COLEC12: variants seen among roughly 807,000 people sequenced by gnomAD.
The protein encoded by COLEC12 is collectin subfamily member 12.
A neutral mutation model predicts 71.1 loss-of-function variants in COLEC12; 33 were observed. That is an observed-to-expected ratio of 0.46 (90% CI 0.35 to 0.62). The LOEUF is 0.62. COLEC12 is among the 20% of genes least tolerant of loss of function. The probability of loss-of-function intolerance (pLI) is 0.00; values close to 1 mark genes in which losing one functional copy is unlikely to be tolerated. For synonymous variants in COLEC12, 350 were observed against 353.0 expected, an observed-to-expected ratio of 0.99 and a Z score of 0.10; for missense variants, 765 against 916.1, an observed-to-expected ratio of 0.84 and a Z score of 2.13.
At chr18:427,381 T>C (rs546387646) in intron 2 of COLEC12, among the ~76,000 whole-genome samples, 2 of 152,232 alleles carry the variant, frequency 1.3e-5, no homozygotes, top group South Asian at 4.2e-4. Context: ...ATGTGGGCCG[T>C]AGGGAGAGAA....
At chr18:490,985 C>T (rs1321517454) in intron 1 of COLEC12, among the ~76,000 whole-genome samples, 1 of 152,214 alleles carries the variant, frequency 6.6e-6, no homozygotes, top group Non-Finnish European at 1.5e-5. Context: ...GTACATTTGT[C>T]ATTACTCTTA....
chr18:446,859 T>C (rs775385007), intron 2 of COLEC12, among the ~76,000 whole-genome samples: 1 of 152,188 alleles, frequency 6.6e-6, no homozygotes, highest in African/African-American at 2.4e-5. Flanking sequence ...ATTCTATCCA[T>C]TTATCTTCAG....
chr18:494,182 G>A (rs973399453), intron 1 of COLEC12, among the ~76,000 whole-genome samples: 8 of 152,118 alleles, frequency 5.3e-5, no homozygotes, highest in African/African-American at 1.4e-4. Context: ...ACTTCCCCAC[G>A]TGGAGCACAA....
chr18:425,786 ATG>A (rs1056466841), intron 2 of COLEC12, among the ~76,000 whole-genome samples: 23 of 152,304 alleles, frequency 1.5e-4, no homozygotes, highest in African/African-American at 5.3e-4. Flanking sequence ...AGACATCTCT[ATG>A]TGATTTACAG....
chr18:370,893 C>A (rs902510505), intron 2 of COLEC12, among the ~76,000 whole-genome samples: 1 of 152,146 alleles, frequency 6.6e-6, no homozygotes, highest in African/African-American at 2.4e-5. Flanking sequence ...TGTCATGCAC[C>A]AAGACAGGGC....
At chr18:328,440 G>C (rs996026434) in intron 8 of COLEC12, among the ~76,000 whole-genome samples, 2 of 152,096 alleles carry the variant, frequency 1.3e-5, no homozygotes, top group Non-Finnish European at 2.9e-5. Flanking sequence ...ACCTGTTGTG[G>C]GACTTGAGTG....
At chr18:373,747 G>C (rs1915052892) in intron 2 of COLEC12, among the ~76,000 whole-genome samples, 1 of 151,844 alleles carries the variant, frequency 6.6e-6, no homozygotes, top group Non-Finnish European at 1.5e-5. Context: ...CAAGAATTCT[G>C]TCTGGTATGC....
intron 2 of COLEC12, among the ~76,000 whole-genome samples, chr18:380,578 C>T (rs989952461): frequency 2.7e-4 from 41 of 152,192 alleles, no homozygotes; most frequent in Non-Finnish European, 4.1e-4. Flanking sequence ...CATGTACACA[C>T]ATTTAATTAC....
intron 2 of COLEC12, among the ~76,000 whole-genome samples, chr18:445,862 G>A (rs1346178363): frequency 6.6e-6 from 1 of 152,096 alleles, no homozygotes; most frequent in East Asian, 1.9e-4. Context: ...GAACTCCTGA[G>A]CTCAAGTGAT....
At chr18:416,230 G>T (rs1356977590) in intron 2 of COLEC12, among the ~76,000 whole-genome samples, 1 of 152,134 alleles carries the variant, frequency 6.6e-6, no homozygotes, top group Non-Finnish European at 1.5e-5. Context: ...TCATTTTGGG[G>T]ATTGTTTCAT....
intron 7 of COLEC12, among the ~76,000 whole-genome samples, chr18:332,771 C>T (rs1056421172): frequency 5.9e-5 from 9 of 152,188 alleles, no homozygotes; most frequent in African/African-American, 2.2e-4. Flanking sequence ...CCAGAAGGAG[C>T]CACACATCTC....
chr18:347,273 C>T lies in COLEC12; in HGVS notation c.349G>A (p.Asp117Asn). 1.2e-6 allele frequency: 2 copies of T among 1,614,156 alleles called. No individual in the cohort carries two copies. The highest frequency in any genetic ancestry group is 1.7e-6 in the Non-Finnish European group (2 of 1,180,034). ...ATCTCACGAAGTTGCTGACGGAGAT[C>T]TAGAATGTCTGATCTGAAGGTGGAG... ...ELSTFRSDIL[D>N]LRQQLREITE... The change falls in exon 5 of 10, where the codon GAT becomes AAT. Residue 117 changes from aspartate to asparagine, a missense_variant. By Grantham distance (23) the Asp-to-Asn change is conservative. Transcript: ENST00000400256.
chr18:455,239 C>T (rs937147184), intron 2 of COLEC12, among the ~76,000 whole-genome samples: 3 of 151,442 alleles, frequency 2.0e-5, no homozygotes, highest in South Asian at 4.2e-4. Flanking sequence ...AAAAACAGCA[C>T]AGCATACTTT....
At chr18:331,612 G>T in intron 8 of COLEC12, 56 bp downstream of exon 8, 1 of 1,145,078 alleles carries the variant, frequency 8.7e-7, no homozygotes, top group Non-Finnish European at 1.3e-6. Context: ...CGGGCAAGAA[G>T]TGACAACAGA....
At position 405,191 on chromosome 18, in the gene COLEC12, G is replaced by A. The variant is rs576429509; in HGVS notation, c.59-47669C>T. On this transcript the variant is annotated intron_variant, in intron 2 of 9. Coordinates refer to ENST00000400256, the MANE Select transcript of COLEC12 (RefSeq NM_130386.3). ...TTTAAGATGTTTATCAAGACAATAC[G>A]TGCACCGCTGAACATAGACCCTTAT... Among the ~76,000 whole-genome samples the A allele has an allele frequency of 9.9e-5, 15 of 152,260 alleles. No individual in the cohort carries two copies. In the South Asian group the frequency reaches 1.7e-3, roughly 17 times the overall value.
chr18:329,824 T>A (rs59908463), intron 8 of COLEC12, among the ~76,000 whole-genome samples: 2,201 of 152,314 alleles, frequency 0.014, 62 homozygotes, highest in African/African-American at 0.05. Context: ...ATACCTCTGA[T>A]CCCAGTGCTT....
At chr18:344,873 C>T (rs1598332295) in intron 5 of COLEC12, among the ~76,000 whole-genome samples, 1 of 152,220 alleles carries the variant, frequency 6.6e-6, no homozygotes, top group Admixed American at 6.5e-5. Flanking sequence ...CTGGCATATA[C>T]AGTTTCAAGT....
chr18:427,082 T>G (rs914539199), intron 2 of COLEC12, among the ~76,000 whole-genome samples: 2 of 152,206 alleles, frequency 1.3e-5, no homozygotes, highest in Non-Finnish European at 2.9e-5. Flanking sequence ...ATTCCACTGA[T>G]AGGCAATTTG....
At chr18:482,421 T>C (rs551441160) in intron 1 of COLEC12, among the ~76,000 whole-genome samples, 1 of 151,046 alleles carries the variant, frequency 6.6e-6, no homozygotes, top group South Asian at 2.1e-4. Flanking sequence ...GCCAACACTT[T>C]TTGATGACAA....
Sources: allele counts gnomAD v4.1 joint callset (sites outside exome capture counted in the v4.1 genomes callset), GRCh38; gene constraint gnomAD v4.1.1; transcripts MANE v1.5; gene names NCBI Gene and HGNC (gene_info 2026-07-23, HGNC 2026-07-21).